Variants in TCF20 observed in about 807,000 individuals in gnomAD.
The protein encoded by TCF20 is transcription factor 20.
TCF20 carries 3 observed loss-of-function variants against 148.6 expected under a neutral mutation model. That is an observed-to-expected ratio of 0.02 (90% CI 0.01 to 0.05). TCF20 has a LOEUF of 0.05. TCF20 is among the 10% of genes least tolerant of loss of function. The pLI, the probability that TCF20 is intolerant of heterozygous loss-of-function variation, is 1.00. For synonymous variants in TCF20, 1,049 were observed against 909.5 expected, an observed-to-expected ratio of 1.15 and a Z score of -2.76; for missense variants, 2,350 against 2,429.3, an observed-to-expected ratio of 0.97 and a Z score of 0.69.
intron 1 of TCF20, among the ~76,000 whole-genome samples, chr22:42,252,302 TAAA>T (rs781406966): frequency 6.9e-6 from 1 of 145,916 alleles, no homozygotes; most frequent in Non-Finnish European, 1.5e-5. Flanking sequence ...AAGAAAAAAA[TAAA>T]AAAAAGAACT....
At chr22:42,259,128 A>G (rs143984446) in intron 1 of TCF20, among the ~76,000 whole-genome samples, 1 of 152,236 alleles carries the variant, frequency 6.6e-6, no homozygotes, top group Non-Finnish European at 1.5e-5. Flanking sequence ...TGCTCTCTGG[A>G]GTTTCCTCCA....
intron 3 of TCF20, among the ~76,000 whole-genome samples, chr22:42,171,582 A>G (rs1212286436): frequency 6.6e-6 from 1 of 152,136 alleles, no homozygotes; most frequent in Non-Finnish European, 1.5e-5. Flanking sequence ...ACTAACCTCC[A>G]AGCCCCTCCC....
chr22:42,317,172 G>A lies in TCF20; in HGVS notation c.-37+26307C>T, dbSNP rs553373708. On this transcript the variant is annotated intron_variant, in intron 1 of 1. Transcript: ENST00000515426. The surrounding 1 kb of genome is among the most constrained non-coding windows in gnomAD (Gnocchi z 4.2). ...ACGTCTGACTCACCCCACCTTCCCC[G>A]CCCGCCCTCACTCGGCACACCCTCA... 4.6e-5 allele frequency among the ~76,000 whole-genome samples: 7 copies of A among 151,934 alleles called. No individual in the cohort carries two copies. The highest frequency in any genetic ancestry group is 1.4e-4 in the African/African-American group (6 of 41,420).
rs1370542091 is a variant in TCF20 at position 42,218,863 on chromosome 22, C to CT, written c.-36-3523dup. On this transcript the variant is annotated intron_variant, in intron 1 of 5. Coordinates refer to ENST00000677622, the MANE Select transcript of TCF20 (RefSeq NM_001378418.1). The stretch of plus-strand genomic sequence containing the variant: ...AGATTCCCTGTCCTGTATGATACCC[C>CT]TTTCCCTATTGTTATGGTTCTACTT... 3.3e-5 allele frequency among the ~76,000 whole-genome samples: 5 copies of CT among 151,924 alleles called. No individual in the cohort carries two copies. In the South Asian group the frequency reaches 1.0e-3, roughly 32 times the overall value.
chr22:42,342,511 C>T (rs569854974), intron 1 of TCF20, among the ~76,000 whole-genome samples: 1 of 152,346 alleles, frequency 6.6e-6, no homozygotes, highest in Non-Finnish European at 1.5e-5. Flanking sequence ...ACTAGACTAC[C>T]TCCTGGAGGT....
intron 1 of TCF20, among the ~76,000 whole-genome samples, chr22:42,318,888 C>T (rs1927682768): frequency 6.6e-6 from 1 of 152,304 alleles, no homozygotes; most frequent in Non-Finnish European, 1.5e-5. Context: ...CTGTGGCCAG[C>T]TGAGGCCTGG....
At chr22:42,309,261 G>A (rs1183752246) in intron 1 of TCF20, among the ~76,000 whole-genome samples, 5 of 152,096 alleles carry the variant, frequency 3.3e-5, no homozygotes, top group Admixed American at 3.3e-4. Context: ...TCTCCACCAG[G>A]GGACAAATGC....
At chr22:42,195,270 C>T (rs1018321168) in intron 2 of TCF20, among the ~76,000 whole-genome samples, 9 of 151,310 alleles carry the variant, frequency 5.9e-5, no homozygotes, top group Non-Finnish European at 8.8e-5. Context: ...CATACAGATG[C>T]CCTCTATAAT....
intron 1 of TCF20, among the ~76,000 whole-genome samples, chr22:42,298,350 G>T (rs886748064): frequency 1.3e-5 from 2 of 152,222 alleles, no homozygotes; most frequent in South Asian, 4.1e-4. Flanking sequence ...AGGGCCGACT[G>T]TTGTTGGGGC....
chr22:42,191,291 A>G (rs1569123400), intron 2 of TCF20, among the ~76,000 whole-genome samples: 1 of 151,948 alleles, frequency 6.6e-6, no homozygotes, highest in African/African-American at 2.4e-5. Context: ...CACAGTTTGC[A>G]TTTTATTATT....
At position 42,214,751 on chromosome 22, in the gene TCF20, T is replaced by A; in HGVS notation, c.555A>T (p.Gln185His). ...GGGGCTGATGGGACTGGTAAAGCTG[T>A]TGTCTCAACTGCTGGACTTGCTGCT... ...QQQQQVQQLR[Q>H]QLYQSHQPLP... is the part of the protein sequence containing the mutation. Residue 185 changes from glutamine (Q) to histidine (H), a missense_variant, in exon 2 of 6, where the codon CAA becomes CAT. Transcript: ENST00000677622. 6.2e-7 allele frequency: 1 copy of A among 1,613,914 alleles called. No homozygotes were observed.
intron 1 of TCF20, among the ~76,000 whole-genome samples, chr22:42,330,062 C>T (rs898666421): frequency 6.6e-6 from 1 of 152,196 alleles, no homozygotes; most frequent in African/African-American, 2.4e-5. Flanking sequence ...TCAACAGGGA[C>T]CCAGGCCCAC....
intron 1 of TCF20, among the ~76,000 whole-genome samples, chr22:42,226,716 G>C (rs1299676776): frequency 1.3e-5 from 2 of 151,954 alleles, no homozygotes; most frequent in African/African-American, 4.8e-5. Flanking sequence ...CTCTTAAAAA[G>C]AAATAATAAT....
chr22:42,343,060 A>ATT (rs200712289), intron 1 of TCF20, among the ~76,000 whole-genome samples: 1 of 151,794 alleles, frequency 6.6e-6, no homozygotes, highest in Admixed American at 6.6e-5. Flanking sequence ...ACAATGGATG[A>ATT]TTTTTTTTTC....
intron 1 of TCF20, among the ~76,000 whole-genome samples, chr22:42,320,327 G>A (rs1273585554): frequency 6.6e-6 from 1 of 152,172 alleles, no homozygotes; most frequent in Non-Finnish European, 1.5e-5. Context: ...CTGATGCATT[G>A]CCACTTAGCA....
At chr22:42,236,566 A>T (rs1252635213) in intron 1 of TCF20, among the ~76,000 whole-genome samples, 1 of 152,226 alleles carries the variant, frequency 6.6e-6, no homozygotes, top group Non-Finnish European at 1.5e-5. Context: ...CTAAAGTGCA[A>T]GAGTTTTCCC....
At chr22:42,236,408 T>A (rs1923889538) in intron 1 of TCF20, among the ~76,000 whole-genome samples, 1 of 152,128 alleles carries the variant, frequency 6.6e-6, no homozygotes, top group African/African-American at 2.4e-5. Flanking sequence ...TAAATCCTCA[T>A]CAATCCTCTA....
At chr22:42,330,994 C>A (rs1322285598) in intron 1 of TCF20, among the ~76,000 whole-genome samples, 1 of 152,192 alleles carries the variant, frequency 6.6e-6, no homozygotes, top group Non-Finnish European at 1.5e-5. Context: ...CCGCCACCCC[C>A]TGCCCCTGGT....
At chr22:42,308,701 C>A (rs1927479181) in intron 1 of TCF20, among the ~76,000 whole-genome samples, 1 of 152,106 alleles carries the variant, frequency 6.6e-6, no homozygotes, top group African/African-American at 2.4e-5. Flanking sequence ...CAAGTGAGTC[C>A]TTGAGGGATG....
Sources: allele counts gnomAD v4.1 joint callset (sites outside exome capture counted in the v4.1 genomes callset), GRCh38; gene constraint gnomAD v4.1.1; non-coding constraint Gnocchi (gnomAD v3.1); transcripts MANE v1.5; gene names NCBI Gene and HGNC (gene_info 2026-07-23, HGNC 2026-07-21).